The following CNKSR2 variants were observed in gnomAD, a reference collection of about 807,000 sequenced individuals.
CNKSR2 encodes the protein CNK homolog protein 2.
CNKSR2 carries 14 observed loss-of-function variants against 84.4 expected under a neutral mutation model. The ratio of observed to expected loss-of-function variants is 0.17; its 90% CI spans 0.11 to 0.26. The LOEUF is 0.26. Among genes scored for constraint, CNKSR2 ranks in the 10% least tolerant of loss-of-function variants. The pLI, the probability that CNKSR2 is intolerant of heterozygous loss-of-function variation, is 1.00. For missense variants in CNKSR2, 485 were observed against 771.2 expected, an observed-to-expected ratio of 0.63 and a Z score of 4.40; for synonymous variants, 275 against 277.9, an observed-to-expected ratio of 0.99 and a Z score of 0.10.
chrX:21,440,552 A>G (rs1273806565), intron 3 of CNKSR2, 142 bp from the exon 4 acceptor site: 1 of 298,393 alleles, frequency 3.4e-6, no homozygotes, highest in African/African-American at 2.8e-5. Context: ...TTTCCTTAAA[A>G]TAAGTCCTGA....
At chrX:21,557,329 G>A (rs762785001) in intron 11 of CNKSR2, among the ~76,000 whole-genome samples, 3 of 110,682 alleles carry the variant, frequency 2.7e-5, no homozygotes, top group Admixed American at 9.6e-5. Flanking sequence ...GCTTAATTGC[G>A]CTGAATATAG....
chrX:21,559,219 T>C (rs770770281), intron 11 of CNKSR2, among the ~76,000 whole-genome samples: 3 of 110,624 alleles, frequency 2.7e-5, no homozygotes, highest in Non-Finnish European at 3.8e-5. Context: ...AGATATAGTA[T>C]AGAGCAATTT....
intron 8 of CNKSR2, among the ~76,000 whole-genome samples, chrX:21,503,029 T>A (rs2091574995): frequency 9.0e-6 from 1 of 111,450 alleles, no homozygotes; most frequent in Admixed American, 9.6e-5. Flanking sequence ...TTGAATAGTT[T>A]CAGCATGCAT....
intron 10 of CNKSR2, 105 bp from the exon 11 acceptor site, chrX:21,531,751 A>G (rs1418534430): frequency 2.1e-6 from 1 of 477,454 alleles, no homozygotes; most frequent in Non-Finnish European, 3.5e-6. Flanking sequence ...TGAAAAGGTC[A>G]GGAGATATAT....
chrX:21,410,666 A>T (rs1440861306), intron 1 of CNKSR2, among the ~76,000 whole-genome samples: 1 of 111,598 alleles, frequency 9.0e-6, no homozygotes, highest in African/African-American at 3.3e-5. Flanking sequence ...TTTAACTTTA[A>T]TATTCAATAA....
intron 9 of CNKSR2, among the ~76,000 whole-genome samples, chrX:21,517,205 C>T (rs2091735968): frequency 9.1e-6 from 1 of 110,257 alleles, no homozygotes; most frequent in African/African-American, 3.3e-5. Context: ...GGCAACATAG[C>T]AAAACCCCAT....
chrX:21,520,257 A>G (rs2091769085), intron 9 of CNKSR2, among the ~76,000 whole-genome samples: 1 of 111,287 alleles, frequency 9.0e-6, no homozygotes, highest in Non-Finnish European at 1.9e-5. Context: ...TACTACAAGC[A>G]AATTTAATAA....
intron 11 of CNKSR2, chrX:21,538,325 T>C (rs1895367768): frequency 8.9e-6 from 1 of 112,029 alleles, no homozygotes; most frequent in Admixed American, 9.5e-5. Flanking sequence ...AGGTTCTTTT[T>C]ATGTGATCTG....
At chrX:21,388,464 G>A (rs1300953385) in intron 1 of CNKSR2, among the ~76,000 whole-genome samples, 2 of 111,641 alleles carry the variant, frequency 1.8e-5, no homozygotes, top group East Asian at 2.8e-4. Flanking sequence ...GGGAATATGC[G>A]AGAAGAGCCT....
At position 21,652,414 on chromosome X, in the gene CNKSR2, A is replaced by G. The variant is rs373711438; in HGVS notation, c.2998A>G (p.Ile1000Val). Residue 1000 changes from isoleucine (I) to valine (V), a missense_variant, in exon 22 of 22, where the codon ATC becomes GTC. Physicochemically the swap from Ile to Val is conservative, Grantham distance 29 (BLOSUM62 3). Around this residue, in one of 5 missense-constraint regions of CNKSR2, gnomAD observed 210 missense variants for 291.5 expected, o/e 0.72. Transcript: ENST00000379510. ...KQMYLDLFLD[I>V]CQNTTSNDPL... ...GATGTACCTCGACCTTTTCTTGGATATCTGTCAAAATACCACCTCAAATGA... is the reference window on the plus strand; with the variant it reads ...GATGTACCTCGACCTTTTCTTGGATGTCTGTCAAAATACCACCTCAAATGA... 3.9e-5 allele frequency: 47 copies of G among 1,205,844 alleles called. No individual in the cohort carries two copies. In the African/African-American group the frequency reaches 6.3e-4, roughly 16 times the overall value.
At chrX:21,407,379 T>C (rs2090278119) in intron 1 of CNKSR2, among the ~76,000 whole-genome samples, 1 of 111,767 alleles carries the variant, frequency 8.9e-6, no homozygotes, top group Non-Finnish European at 1.9e-5. Context: ...CTTTGGTAGT[T>C]AAGACAGATG....
intron 1 of CNKSR2, among the ~76,000 whole-genome samples, chrX:21,401,914 T>A (rs1355760899): frequency 9.0e-6 from 1 of 111,657 alleles, no homozygotes; most frequent in Non-Finnish European, 1.9e-5. Context: ...CTAGGTTAGA[T>A]GTTATTAACC....
At chrX:21,432,554 T>C (rs953153201) in intron 2 of CNKSR2, 58 bp from the exon 3 acceptor site, 21 of 837,429 alleles carry the variant, frequency 2.5e-5, no homozygotes, top group Non-Finnish European at 3.3e-5. Context: ...TCAGTAAATA[T>C]TTTCATGAAT....
chrX:21,505,950 C>T (rs1182692195), intron 8 of CNKSR2: 2 of 110,200 alleles, frequency 1.8e-5, no homozygotes, highest in Non-Finnish European at 3.8e-5. Flanking sequence ...ATTCTCATCT[C>T]TTCTCACTGG....
intron 19 of CNKSR2, among the ~76,000 whole-genome samples, chrX:21,607,539 C>T (rs1177500639): frequency 9.0e-6 from 1 of 111,492 alleles, no homozygotes; most frequent in Non-Finnish European, 1.9e-5. Context: ...CATGGTAGCT[C>T]ACGCGTCTAA....
rs185275196 is a variant in CNKSR2 at position 21,418,831 on chromosome X, T to G, written c.65-7666T>G. On this transcript the variant is annotated intron_variant, in intron 1 of 21. Coordinates refer to ENST00000379510, the MANE Select transcript of CNKSR2 (RefSeq NM_014927.5). Reference sequence around the variant, plus strand: ...TGTTTTTCAGCTCCAGTATTTCTGCTTGATTCTTTTAAATTATTTCAATCT... The same window carrying G: ...TGTTTTTCAGCTCCAGTATTTCTGCGTGATTCTTTTAAATTATTTCAATCT... 3.0e-3 allele frequency among the ~76,000 whole-genome samples: 333 copies of G among 111,543 alleles called. 9 individuals carry two copies. In the East Asian group the frequency reaches 0.058, roughly 20 times the overall value.
intron 17 of CNKSR2, among the ~76,000 whole-genome samples, chrX:21,598,650 C>T (rs764693628): frequency 9.8e-5 from 11 of 112,117 alleles, no homozygotes; most frequent in South Asian, 7.3e-4. Flanking sequence ...TTCCCTCATC[C>T]GCAGCATCTT....
Position 21,557,412 on chromosome X carries a change from CT to C in CNKSR2, c.1304-4052del, listed in dbSNP as rs1250822390. Reference sequence around the variant, plus strand: ...CAGACAAAATCCAAAAAATAGTTATCTTTTTTTCTGTGTGCCTCTATAAAAA... The same window carrying C: ...CAGACAAAATCCAAAAAATAGTTATCTTTTTTCTGTGTGCCTCTATAAAAA... On this transcript the variant is annotated intron_variant, in intron 11 of 21. Coordinates refer to ENST00000379510, the MANE Select transcript of CNKSR2 (RefSeq NM_014927.5). Among the ~76,000 whole-genome samples the C allele has an allele frequency of 1.5e-4, 17 of 111,106 alleles. No homozygotes were observed. In the East Asian group the frequency reaches 4.5e-3, roughly 29 times the overall value.
At chrX:21,411,025 A>G (rs1477143394) in intron 1 of CNKSR2, among the ~76,000 whole-genome samples, 2 of 110,703 alleles carry the variant, frequency 1.8e-5, no homozygotes, top group Non-Finnish European at 3.8e-5. Flanking sequence ...CAGTACTTTT[A>G]TACTAAACTT....
Sources: allele counts gnomAD v4.1 joint callset (sites outside exome capture counted in the v4.1 genomes callset), GRCh38; gene constraint gnomAD v4.1.1; regional missense constraint gnomAD v4.1.1; transcripts MANE v1.5; gene names NCBI Gene and HGNC (gene_info 2026-07-23, HGNC 2026-07-21).